SEPTIN2: variants seen among roughly 807,000 people sequenced by gnomAD.
SEPTIN2 encodes the protein septin-2.
A neutral mutation model predicts 46.5 loss-of-function variants in SEPTIN2; 34 were observed. That is an observed-to-expected ratio of 0.73 (90% CI 0.56 to 0.97). The LOEUF (loss-of-function observed/expected upper bound fraction) is 0.97, where lower values mean the gene tolerates loss of function less well. Ranked by LOEUF, SEPTIN2 falls within the 50% of genes least tolerant of loss-of-function variation. The pLI is 0.00. For synonymous variants in SEPTIN2, 175 were observed against 153.4 expected (o/e 1.14, Z -1.04); for missense variants, 347 against 448.4 (o/e 0.77, Z 2.04).
intron 7 of SEPTIN2, among the ~76,000 whole-genome samples, chr2:241,340,084 C>T (rs2081051325): frequency 6.6e-6 from 1 of 152,230 alleles, no homozygotes. Flanking sequence ...TGAAGGATGA[C>T]TAAATTTGCT....
chr2:241,317,096 A>G (rs1410997831), intron 1 of SEPTIN2: 2 of 152,292 alleles, frequency 1.3e-5, no homozygotes, highest in African/African-American at 4.8e-5. Context: ...GTTTCAAAAT[A>G]GTTCTGCCGT....
intron 1 of SEPTIN2, among the ~76,000 whole-genome samples, chr2:241,321,695 G>A (rs975461930): frequency 1.9e-4 from 29 of 151,642 alleles, no homozygotes; most frequent in African/African-American, 7.0e-4. Context: ...TCTTGATTTA[G>A]GATTACTTCT....
chr2:241,323,742 G>A (rs940768705), intron 1 of SEPTIN2, among the ~76,000 whole-genome samples: 2 of 152,178 alleles, frequency 1.3e-5, no homozygotes, highest in Non-Finnish European at 2.9e-5. Flanking sequence ...CGCTCCCAGG[G>A]TGGGGAAAAA....
At chr2:241,316,418 T>A (rs1002400208) in intron 1 of SEPTIN2, 1 of 1,126,516 alleles carries the variant, frequency 8.9e-7, no homozygotes, top group Non-Finnish European at 1.2e-6. Context: ...ATTTCCTCCC[T>A]GAGGCGTGGA....
upstream of SEPTIN2, chr2:241,315,446 C>T (rs1267354099): frequency 6.6e-6 from 1 of 152,402 alleles, no homozygotes; most frequent in African/African-American, 2.4e-5. Context: ...GATCGCTCCG[C>T]ACTCCCGCCA....
chr2:241,349,556 C>T (rs1296134706), intron 11 of SEPTIN2, among the ~76,000 whole-genome samples: 2 of 152,064 alleles, frequency 1.3e-5, no homozygotes, highest in African/African-American at 4.8e-5. Flanking sequence ...GGCGCGGTGG[C>T]TCACGCTTGT....
At chr2:241,326,171 T>C in intron 3 of SEPTIN2, 58 bp downstream of exon 3, 1 of 1,521,404 alleles carries the variant, frequency 6.6e-7, no homozygotes, top group Non-Finnish European at 8.9e-7. Flanking sequence ...CTTTCCAATC[T>C]CTGGAGTATG....
intron 1 of SEPTIN2, among the ~76,000 whole-genome samples, chr2:241,320,886 T>TC (rs2077019578): frequency 6.6e-6 from 1 of 152,164 alleles, no homozygotes; most frequent in Admixed American, 6.5e-5. Flanking sequence ...CTGTTTTATC[T>TC]CCTAAGTTTT....
intron 7 of SEPTIN2, among the ~76,000 whole-genome samples, chr2:241,339,733 G>T (rs1575328356): frequency 6.6e-6 from 1 of 152,190 alleles, no homozygotes; most frequent in East Asian, 1.9e-4. Context: ...CCTCTGCCTG[G>T]AACAGTCTTC....
chr2:241,317,911 A>G (rs1350874560), intron 1 of SEPTIN2, among the ~76,000 whole-genome samples: 1 of 152,220 alleles, frequency 6.6e-6, no homozygotes, highest in African/African-American at 2.4e-5. Context: ...CACGATCTGA[A>G]GGAACAAAAT....
At chr2:241,337,201 T>G (rs2080171866) in intron 5 of SEPTIN2, 181 bp from the exon 6 acceptor site, 2 of 584,128 alleles carry the variant, frequency 3.4e-6, no homozygotes, top group Non-Finnish European at 5.8e-6. Context: ...GGGGCAGTTA[T>G]GCTTGGCATA....
intron 1 of SEPTIN2, chr2:241,318,264 G>A (rs1333079882): frequency 6.6e-6 from 1 of 152,340 alleles, no homozygotes; most frequent in Non-Finnish European, 1.5e-5. Flanking sequence ...GGGTTCTGTG[G>A]AGGTGCGGGA....
At chr2:241,347,795 C>T (rs781091090) in intron 10 of SEPTIN2, among the ~76,000 whole-genome samples, 7 of 151,898 alleles carry the variant, frequency 4.6e-5, no homozygotes, top group African/African-American at 7.3e-5. Flanking sequence ...CCAAGGTGGG[C>T]GGATCACTTG....
intron 1 of SEPTIN2, 153 bp downstream of exon 1, chr2:241,316,135 G>C (rs980519939): frequency 2.0e-5 from 4 of 195,760 alleles, no homozygotes; most frequent in South Asian, 1.6e-4. Flanking sequence ...GCCGAGCCCA[G>C]GCTCTTCGGC....
chr2:241,331,613 ACTC>A (rs1244169699), intron 3 of SEPTIN2, among the ~76,000 whole-genome samples: 2 of 152,134 alleles, frequency 1.3e-5, no homozygotes, highest in African/African-American at 4.8e-5. Context: ...CTGGTGTTAA[ACTC>A]CTAGCCTGAA....
At chr2:241,324,553 A>G (rs1188254594) in intron 2 of SEPTIN2, 1 of 412,254 alleles carries the variant, frequency 2.4e-6, no homozygotes, top group South Asian at 1.9e-5. Flanking sequence ...ACGCTGGCTA[A>G]TTTTTTGGAT....
intron 4 of SEPTIN2, chr2:241,335,522 T>G: frequency 2.9e-6 from 2 of 683,484 alleles, no homozygotes; most frequent in South Asian, 3.7e-5. Flanking sequence ...AAAAATGCTG[T>G]GTAACTAGAA....
rs1182279754 is a variant in SEPTIN2 at position 241,348,030 on chromosome 2, A to G, written c.927-104A>G. On this transcript the variant is annotated intron_variant, in intron 10 of 12. Coordinates refer to ENST00000391971, the MANE Select transcript of SEPTIN2 (RefSeq NM_004404.5). ...ACACCATCTCAATATAAAAAGAGAA[A>G]TGATAAATACATGTCATTTTAAATT... The G allele has an allele frequency of 3.4e-6, 3 of 885,338 alleles. No individual in the cohort carries two copies. In the East Asian group the frequency reaches 7.9e-5, roughly 23 times the overall value. The allele number at this position is 885,338 out of a possible 1,614,324, so 54.8% of individuals were successfully genotyped here. A position where few individuals can be genotyped will look rare whatever the true frequency, so the allele number is the denominator to read the frequency against.
intron 5 of SEPTIN2, 197 bp downstream of exon 5, chr2:241,336,295 G>A (rs1191987894): frequency 1.7e-6 from 1 of 588,128 alleles, no homozygotes; most frequent in Non-Finnish European, 2.9e-6. Flanking sequence ...GTACTCTACT[G>A]TAATTTGAGA....
Sources: allele counts gnomAD v4.1 joint callset (sites outside exome capture counted in the v4.1 genomes callset), GRCh38; gene constraint gnomAD v4.1.1; transcripts MANE v1.5; gene names NCBI Gene and HGNC (gene_info 2026-07-23, HGNC 2026-07-21).